The following LTBP2 variants were observed in gnomAD, a reference collection of about 807,000 sequenced individuals.
LTBP2 encodes the protein latent transforming growth factor beta binding protein 2.
Under a neutral mutation model 210.6 loss-of-function variants are expected in LTBP2, and 103 were observed. That is an observed-to-expected ratio of 0.49 (90% CI 0.42 to 0.58). The LOEUF (loss-of-function observed/expected upper bound fraction) is 0.58. Among genes scored for constraint, LTBP2 ranks in the 20% least tolerant of loss-of-function variants. LTBP2 has a pLI of 0.00. For synonymous variants in LTBP2, 1,007 were observed against 1,015.0 expected (o/e 0.99, Z 0.15); for missense variants, 2,313 against 2,494.5 (o/e 0.93, Z 1.55).
intron 3 of LTBP2, among the ~76,000 whole-genome samples, chr14:74,573,400 T>A (rs781181327): frequency 1.3e-5 from 2 of 152,228 alleles, no homozygotes; most frequent in African/African-American, 4.8e-5. Context: ...CTTTGCCCTC[T>A]GCCTTCTGGT....
In LTBP2 at chr14:74,586,476, C is replaced by T. The variant is rs528401762; in HGVS notation, c.566-358G>A. On this transcript the variant is annotated intron_variant, in intron 2 of 35. Transcript: ENST00000261978. This position sits in a 1 kb window ranked among gnomAD's most constrained non-coding sequence, Gnocchi z 4.6. ...CTGGAAGCCCCCTGAGGACAGACAGCGGCCCCGGAACTTTGACTAGGGATT... is the reference window on the plus strand; with the variant it reads ...CTGGAAGCCCCCTGAGGACAGACAGTGGCCCCGGAACTTTGACTAGGGATT... 3.3e-5 allele frequency among the ~76,000 whole-genome samples: 5 copies of T among 152,316 alleles called. No homozygotes were observed. In the East Asian group the frequency reaches 5.8e-4, roughly 18 times the overall value.
rs1056586306 is a variant in LTBP2, at chr14:74,611,900, C to T, written c.45G>A (p.Arg15=). Reference sequence around the variant, plus strand: ...GCGGCAGGAAGCCTCTCCAGGGGTTCCGCAGGGCGCGCCCCGGGCTGCGGG... The same window carrying T: ...GCGGCAGGAAGCCTCTCCAGGGGTTTCGCAGGGCGCGCCCCGGGCTGCGGG... ...TKARSPGRAL[R]NPWRGFLPLT... Residue 15 remains arginine (R), a synonymous_variant, in exon 1 of 36, where the codon CGG becomes CGA. Transcript: ENST00000261978. 2 of 1,598,922 alleles carry T rather than the reference C, an allele frequency of 1.3e-6. No individual in the cohort carries two copies. Among genetic ancestry groups the T allele is most frequent in the Non-Finnish European group, 1.7e-6 (2 of 1,175,522 alleles).
In LTBP2 at chr14:74,503,565, A is replaced by G. The variant is rs1433026388; in HGVS notation, c.4624T>C (p.Cys1542Arg). 1 of 1,613,628 alleles carries G rather than the reference A, an allele frequency of 6.2e-7. No individual in the cohort carries two copies. The highest frequency in any genetic ancestry group is 1.1e-5 in the South Asian group (1 of 91,042). Residue 1542 changes from cysteine (C) to arginine (R), a missense_variant, in exon 32 of 36, where the codon TGC becomes CGC. Around this residue, in one of 3 missense-constraint regions of LTBP2, gnomAD observed 443 missense variants for 501.4 expected, o/e 0.88. Transcript: ENST00000261978. Reference sequence around the variant, plus strand: ...TGGAAGGAGCCCTCCGTGTTGACGCACTCGCCATTCTCACAGGCCAGGTCC... The same window carrying G: ...TGGAAGGAGCCCTCCGTGTTGACGCGCTCGCCATTCTCACAGGCCAGGTCC... The part of the protein sequence containing the change: ...CQDLACENGE[C>R]VNTEGSFHCF...
At position 74,586,297 on chromosome 14, in the gene LTBP2, AC is replaced by A. The variant is rs1196297612; in HGVS notation, c.566-180del. On this transcript the variant is annotated intron_variant, in intron 2 of 35. Transcript: ENST00000261978. This position sits in a 1 kb window ranked among gnomAD's most constrained non-coding sequence, Gnocchi z 4.6. ...ATGTCTCTCCCACCTCCATCCACAG[AC>A]CCCCAGGACTTGTTCACCTCTGATC... Among the ~76,000 whole-genome samples the A allele has an allele frequency of 6.6e-6, 1 of 151,816 alleles. No homozygotes were observed. Among genetic ancestry groups the A allele is most frequent in the African/African-American group, 2.4e-5 (1 of 41,274 alleles).
chr14:74,589,864 C>A (rs2088257347), intron 2 of LTBP2, among the ~76,000 whole-genome samples: 1 of 152,166 alleles, frequency 6.6e-6, no homozygotes, highest in African/African-American at 2.4e-5. Flanking sequence ...CACAGAGACC[C>A]AAAGCCCGGC....
chr14:74,518,340 G>A (rs2087160467), intron 17 of LTBP2, among the ~76,000 whole-genome samples: 1 of 152,134 alleles, frequency 6.6e-6, no homozygotes, highest in South Asian at 2.1e-4. Context: ...CTCAAGCCTG[G>A]CGTGTGAGAT....
At chr14:74,564,747 G>A (rs1595280061) in intron 3 of LTBP2, among the ~76,000 whole-genome samples, 1 of 151,796 alleles carries the variant, frequency 6.6e-6, no homozygotes, top group Non-Finnish European at 1.5e-5. Flanking sequence ...CGCCCATTAC[G>A]TGCATCCTCT....
At position 74,506,809 on chromosome 14, in the gene LTBP2, C is replaced by T. The variant is rs371669746; in HGVS notation, c.3922G>A (p.Ala1308Thr). 1.5e-5 allele frequency: 25 copies of T among 1,613,868 alleles called. No individual in the cohort carries two copies. Among genetic ancestry groups the T allele is most frequent in the Middle Eastern group, 1.6e-4 (1 of 6,084 alleles). The change falls in exon 27 of 36, where the codon GCC (alanine) becomes ACC (threonine). Residue 1308 changes from alanine (A) to threonine (T), a missense_variant. Transcript: ENST00000261978. ...TGGCTGCCACACATGGTGTCGTTGGCGCACTCGTCTATGTCTGTGGGACAG... is the reference window on the plus strand; with the variant it reads ...TGGCTGCCACACATGGTGTCGTTGGTGCACTCGTCTATGTCTGTGGGACAG... ...NGDCIDIDECANDTMCGSHGF... is the reference protein window; with the variant it reads ...NGDCIDIDECTNDTMCGSHGF...
At chr14:74,577,613 A>G (rs2088077023) in intron 3 of LTBP2, among the ~76,000 whole-genome samples, 1 of 149,112 alleles carries the variant, frequency 6.7e-6, no homozygotes, top group Non-Finnish European at 1.5e-5. Flanking sequence ...GATTCAAGCC[A>G]TTCTCCCATC....
rs1350269560 is a variant in LTBP2 at position 74,549,934 on chromosome 14, T to G, written c.1718A>C (p.Gln573Pro). The change falls in exon 8 of 36, where the codon CAG becomes CCG. Residue 573 changes from glutamine (Q) to proline (P), a missense_variant. Around this residue, in one of 3 missense-constraint regions of LTBP2, gnomAD observed 1,867 missense variants for 1,976.9 expected, o/e 0.94. Transcript: ENST00000261978. ...TCCCACACTGCCACAGCAGTCCTCC[T>G]GGGTAGTCAGCTCCAGCAGAGGGTT... ...CANPLLELTT[Q>P]EDCCGSVGAF... 1.2e-6 allele frequency: 2 copies of G among 1,613,980 alleles called. No homozygotes were observed. Among genetic ancestry groups the G allele is most frequent in the Admixed American group, 3.3e-5 (2 of 60,010 alleles).
intron 8 of LTBP2, among the ~76,000 whole-genome samples, chr14:74,545,377 AG>A (rs1354113115): frequency 6.6e-6 from 1 of 152,264 alleles, no homozygotes; most frequent in Non-Finnish European, 1.5e-5. Flanking sequence ...GTGAAAGTTC[AG>A]GAACTGGCGG....
At chr14:74,600,912 G>T (rs1372394615) in intron 2 of LTBP2, among the ~76,000 whole-genome samples, 1 of 152,186 alleles carries the variant, frequency 6.6e-6, no homozygotes, top group African/African-American at 2.4e-5. Context: ...CCCCAGATCT[G>T]CTGAATCAGA....
At chr14:74,575,063 G>T (rs1205213085) in intron 3 of LTBP2, among the ~76,000 whole-genome samples, 1 of 152,186 alleles carries the variant, frequency 6.6e-6, no homozygotes, top group African/African-American at 2.4e-5. Flanking sequence ...GCAGAAGAAG[G>T]AAGGCACACT....
chr14:74,521,031 C>T (rs950990003), intron 17 of LTBP2, among the ~76,000 whole-genome samples: 2 of 152,240 alleles, frequency 1.3e-5, no homozygotes, highest in Admixed American at 6.5e-5. Flanking sequence ...TCTCCCGCTC[C>T]TCCGTTAAGT....
intron 3 of LTBP2, among the ~76,000 whole-genome samples, chr14:74,557,032 C>T (rs372671092): frequency 3.3e-5 from 5 of 152,160 alleles, no homozygotes; most frequent in African/African-American, 2.4e-5. Flanking sequence ...GAGGTCCATG[C>T]GGGCAGATCA....
chr14:74,546,909 C>T (rs745909958), intron 8 of LTBP2, among the ~76,000 whole-genome samples: 18 of 152,232 alleles, frequency 1.2e-4, no homozygotes, highest in Non-Finnish European at 2.6e-4. Context: ...TCTCCTGCTC[C>T]CCACCCTTCC....
At chr14:74,577,570 G>A (rs958507941) in intron 3 of LTBP2, among the ~76,000 whole-genome samples, 3 of 148,566 alleles carry the variant, frequency 2.0e-5, no homozygotes, top group Non-Finnish European at 3.0e-5. Flanking sequence ...GTACAGTGGC[G>A]CAATCTCAGT....
intron 3 of LTBP2, among the ~76,000 whole-genome samples, chr14:74,582,088 C>T (rs889630552): frequency 7.3e-5 from 11 of 149,830 alleles, no homozygotes; most frequent in African/African-American, 2.7e-4. Context: ...GGTGCCATCT[C>T]AGCTCACTGC....
chr14:74,589,827 C>A (rs949987556), intron 2 of LTBP2, among the ~76,000 whole-genome samples: 2 of 152,150 alleles, frequency 1.3e-5, no homozygotes, highest in Non-Finnish European at 1.5e-5. Flanking sequence ...CCTGAGTGAT[C>A]TCCCACATGG....
Sources: allele counts gnomAD v4.1 joint callset (sites outside exome capture counted in the v4.1 genomes callset), GRCh38; gene constraint gnomAD v4.1.1; regional missense constraint gnomAD v4.1.1; non-coding constraint Gnocchi (gnomAD v3.1); transcripts MANE v1.5; gene names NCBI Gene and HGNC (gene_info 2026-07-23, HGNC 2026-07-21).